Variants in P4HA3 observed in about 807,000 individuals in gnomAD.
P4HA3 encodes the protein prolyl 4-hydroxylase subunit alpha-3.
Under a neutral mutation model 66.7 loss-of-function variants are expected in P4HA3, and 60 were observed. The ratio of observed to expected loss-of-function variants is 0.90; its 90% CI spans 0.73 to 1.12. The LOEUF (loss-of-function observed/expected upper bound fraction) is 1.12, where lower values mean the gene tolerates loss of function less well. Ranked by LOEUF, P4HA3 falls within the 50% of genes most tolerant of loss-of-function variation. P4HA3 has a pLI of 0.00. For missense variants in P4HA3, 683 were observed against 685.8 expected (o/e 1.00, Z 0.05); for synonymous variants, 263 against 274.6 (o/e 0.96, Z 0.42).
downstream of P4HA3, among the ~76,000 whole-genome samples, chr11:74,261,972 T>C (rs1859914126): frequency 6.6e-6 from 1 of 152,192 alleles, no homozygotes; most frequent in African/African-American, 2.4e-5. Flanking sequence ...TATGGGCAAG[T>C]TGCTTTACTT....
At chr11:74,296,361 A>AT (rs888145192) in intron 4 of P4HA3, among the ~76,000 whole-genome samples, 3 of 152,082 alleles carry the variant, frequency 2.0e-5, no homozygotes, top group Non-Finnish European at 4.4e-5. Flanking sequence ...AGTTATTAAA[A>AT]TTTTTTTTAC....
rs150503343 is a variant in P4HA3, at chr11:74,268,169, G to A, written c.1540C>T (p.Pro514Ser). ...CCCCACTTATCTCCCACCAGGACAG[G>A]ACAGCCAGCATGAAGTGTGTCACTG... ...GDSDTLHAGC[P>S]VLVGDKWVAN... Residue 514 changes from proline (P) to serine (S), a missense_variant, in exon 12 of 13, where the codon CCT becomes TCT. Coordinates refer to ENST00000331597, the MANE Select transcript of P4HA3 (RefSeq NM_182904.5). The A allele has an allele frequency of 1.9e-6, 3 of 1,613,920 alleles. No homozygotes were observed. The highest frequency in any genetic ancestry group is 2.7e-5 in the African/African-American group (2 of 74,904).
At chr11:74,292,772 A>G (rs1861076430) in intron 4 of P4HA3, among the ~76,000 whole-genome samples, 2 of 152,080 alleles carry the variant, frequency 1.3e-5, no homozygotes. Context: ...GAGTTTCTTA[A>G]TCCTGAGTTC....
chr11:74,309,922 G>A (rs1198140137), intron 1 of P4HA3, among the ~76,000 whole-genome samples: 2 of 152,058 alleles, frequency 1.3e-5, no homozygotes, highest in Non-Finnish European at 2.9e-5. Context: ...ACAGTCATGG[G>A]GTCACAAAGT....
At chr11:74,265,663 G>A (rs1859979609), downstream of P4HA3, among the ~76,000 whole-genome samples, 2 of 152,324 alleles carry the variant, frequency 1.3e-5, no homozygotes, top group Middle Eastern at 3.4e-3. Flanking sequence ...CTTATAAAAA[G>A]TCTACCTGTC....
intron 15 of P4HA3, among the ~76,000 whole-genome samples, chr11:74,258,044 G>A (rs565271681): frequency 3.9e-5 from 6 of 152,288 alleles, no homozygotes; most frequent in South Asian, 4.1e-4. Context: ...AAAGCAAAAC[G>A]CAGTCACACT....
chr11:74,280,645 T>C (rs551478047), intron 7 of P4HA3, among the ~76,000 whole-genome samples: 12 of 152,136 alleles, frequency 7.9e-5, no homozygotes, highest in Non-Finnish European at 1.8e-4. Context: ...CACCTGGTGG[T>C]GGAGTAGGTG....
intron 9 of P4HA3, among the ~76,000 whole-genome samples, chr11:74,274,256 A>C (rs1037822383): frequency 4.0e-5 from 6 of 149,320 alleles, no homozygotes. Context: ...TTATCCGTTC[A>C]CCTGTTGACA....
chr11:74,299,524 C>T (rs1285000166), intron 3 of P4HA3, among the ~76,000 whole-genome samples: 1 of 152,032 alleles, frequency 6.6e-6, no homozygotes, highest in Non-Finnish European at 1.5e-5. Context: ...ACTTTTCATG[C>T]CAAGTTAATT....
rs186267752 is a variant in P4HA3 at position 74,274,219 on chromosome 11, C to T, written c.1336-612G>A. Among the ~76,000 whole-genome samples, 5 of 152,214 alleles carry T rather than the reference C, an allele frequency of 3.3e-5. No individual in the cohort carries two copies. The East Asian group carries it at 9.6e-4, about 29-fold the overall frequency. On this transcript the variant is annotated intron_variant, in intron 9 of 12. Transcript: ENST00000331597. ...TTATCTGCTTTCTCTCTATAGCATT[C>T]CATTGTGCAGATATATCAAAATTTG... is the stretch of plus-strand genomic sequence containing the variant.
At chr11:74,311,294 G>T in intron 1 of P4HA3, 118 bp downstream of exon 1, 1 of 1,188,748 alleles carries the variant, frequency 8.4e-7, no homozygotes, top group Non-Finnish European at 1.1e-6. Context: ...CAGTGGGTCT[G>T]GGGTCCCACG....
chr11:74,272,679 TAA>T (rs1860246576), intron 10 of P4HA3, among the ~76,000 whole-genome samples: 2 of 152,338 alleles, frequency 1.3e-5, no homozygotes, highest in South Asian at 2.1e-4. Flanking sequence ...GAGACAGTCC[TAA>T]TAGAAGAGGA....
intron 4 of P4HA3, among the ~76,000 whole-genome samples, chr11:74,297,868 AC>A (rs2134805628): frequency 6.6e-6 from 1 of 152,344 alleles, no homozygotes; most frequent in Non-Finnish European, 1.5e-5. Context: ...TTTATTATGA[AC>A]CCATTAACTA....
chr11:74,301,927 A>G (rs1429055937), intron 3 of P4HA3, among the ~76,000 whole-genome samples: 1 of 152,020 alleles, frequency 6.6e-6, no homozygotes, highest in African/African-American at 2.4e-5. Context: ...ACCATCTCTT[A>G]TCCTTTTCCC....
chr11:74,304,726 T>C (rs771401856), intron 1 of P4HA3, among the ~76,000 whole-genome samples: 11 of 152,178 alleles, frequency 7.2e-5, no homozygotes, highest in Non-Finnish European at 1.5e-4. Flanking sequence ...AGTCTTTTTC[T>C]CCTGTCATCA....
chr11:74,299,294 C>T (rs1165091116), intron 3 of P4HA3, among the ~76,000 whole-genome samples: 1 of 152,142 alleles, frequency 6.6e-6, no homozygotes, highest in Non-Finnish European at 1.5e-5. Flanking sequence ...TTGGAGACAA[C>T]ATGGAACTGT....
intron 1 of P4HA3, among the ~76,000 whole-genome samples, chr11:74,308,789 A>T (rs570706842): frequency 6.6e-6 from 1 of 152,192 alleles, no homozygotes; most frequent in Admixed American, 6.5e-5. Flanking sequence ...TAATAAGCAT[A>T]AAGGCTTAGC....
Position 74,273,540 on chromosome 11 carries a change from C to T in P4HA3, c.1398+5G>A. The stretch of plus-strand genomic sequence containing the variant: ...ATGAAGTAAGAAGCCCAGAGCAATA[C>T]TCACATAGATCATAAATGTTGCAAC... On this transcript the variant is annotated splice_donor_5th_base_variant and intron_variant, in intron 10 of 12. Transcript: ENST00000331597. 6.5e-7 allele frequency: 1 copy of T among 1,538,764 alleles called. No individual in the cohort carries two copies. The highest frequency in any genetic ancestry group is 8.7e-7 in the Non-Finnish European group (1 of 1,144,974).
intron 7 of P4HA3, among the ~76,000 whole-genome samples, chr11:74,281,899 A>G (rs898214293): frequency 6.8e-6 from 1 of 146,674 alleles, no homozygotes; most frequent in Non-Finnish European, 1.5e-5. Context: ...TAATAATAAT[A>G]AAAGTTTGGG....
Sources: gnomAD v4.1 joint callset for allele counts (sites outside exome capture counted in the v4.1 genomes callset) on GRCh38, gnomAD v4.1.1 for gene constraint, MANE v1.5 for transcripts, NCBI Gene and HGNC (gene_info 2026-07-23, HGNC 2026-07-21) for gene names.